Variants in PCSK5 observed in about 807,000 individuals in gnomAD.
PCSK5 encodes prohormone convertase 5.
PCSK5 carries 129 observed loss-of-function variants against 233.2 expected under a neutral mutation model. That is an observed-to-expected ratio of 0.55 (90% CI 0.48 to 0.64). PCSK5 has a LOEUF of 0.64. Among genes scored for constraint, PCSK5 ranks in the 30% least tolerant of loss-of-function variants. The pLI is 0.00. For synonymous variants in PCSK5, 825 were observed against 879.2 expected, an observed-to-expected ratio of 0.94 and a Z score of 1.09; for missense variants, 2,076 against 2,430.1, an observed-to-expected ratio of 0.85 and a Z score of 3.06.
At chr9:76,003,463 A>G (rs930619355) in intron 3 of PCSK5, among the ~76,000 whole-genome samples, 3 of 152,244 alleles carry the variant, frequency 2.0e-5, no homozygotes, top group African/African-American at 7.2e-5. Flanking sequence ...AAGTTGAAAG[A>G]GTAGTATAAT....
chr9:76,175,076 G>T lies in PCSK5; in HGVS notation c.1847G>T (p.Arg616Leu). The change falls in exon 14 of 38, where the codon CGC (arginine) becomes CTC (leucine). Residue 616 changes from arginine (R) to leucine (L), a missense_variant. By Grantham distance (102) the Arg-to-Leu change is moderately radical. Transcript: ENST00000674117. ...TNEFPKVERF[R>L]YSRVEDPTDD... Reference sequence around the variant, plus strand: ...GAATTTCCGAAAGTGGAACGGTTCCGCTATAGCCGAGTTGAAGACCCCACA... The same window carrying T: ...GAATTTCCGAAAGTGGAACGGTTCCTCTATAGCCGAGTTGAAGACCCCACA... The T allele has an allele frequency of 1.9e-6, 3 of 1,614,158 alleles. No homozygotes were observed. The highest frequency in any genetic ancestry group is 2.5e-6 in the Non-Finnish European group (3 of 1,180,008).
intron 3 of PCSK5, among the ~76,000 whole-genome samples, chr9:76,014,394 G>T (rs969724794): frequency 6.6e-6 from 1 of 152,180 alleles, no homozygotes; most frequent in African/African-American, 2.4e-5. Context: ...GTGTGAGAGG[G>T]TAATGTGTTA....
intron 8 of PCSK5, 60 bp from the exon 9 acceptor site, chr9:76,107,191 T>C: frequency 1.0e-6 from 1 of 979,402 alleles, no homozygotes; most frequent in Non-Finnish European, 1.6e-6. Context: ...TATATTTCTT[T>C]CTACTTGCAG....
rs185679369 is a variant in PCSK5, at chr9:76,320,384, C to G, written c.3885-1038C>G. The stretch of plus-strand genomic sequence containing the variant: ...GGCAGAGGTTGTGGTGAGCCAAGAT[C>G]GTGCCATGCACTCCAGCCTGGGTGA... On this transcript the variant is annotated intron_variant, in intron 30 of 37. Transcript: ENST00000674117. Among the ~76,000 whole-genome samples the G allele has an allele frequency of 6.4e-3, 905 of 140,460 alleles. 13 individuals are homozygous for G. Among genetic ancestry groups the G allele is most frequent in the African/African-American group, 0.022 (854 of 38,046 alleles). 92.1% of individuals were successfully genotyped at this position (140,460 alleles called of 152,430 possible).
At chr9:76,193,417 A>AAAAG in intron 20 of PCSK5, 1 of 1,190,890 alleles carries the variant, frequency 8.4e-7, no homozygotes, top group Non-Finnish European at 1.1e-6. Context: ...TAAAAAGAAA[A>AAAAG]AAGCCAAAAA....
At chr9:76,327,363 T>C (rs553231599) in intron 32 of PCSK5, among the ~76,000 whole-genome samples, 2 of 152,172 alleles carry the variant, frequency 1.3e-5, no homozygotes, top group Non-Finnish European at 2.9e-5. Context: ...CACCTTGGCC[T>C]CCCAAAGTGC....
intron 8 of PCSK5, among the ~76,000 whole-genome samples, chr9:76,099,644 A>AC (rs1831677280): frequency 6.6e-6 from 1 of 152,064 alleles, no homozygotes; most frequent in Admixed American, 6.6e-5. Flanking sequence ...GGTCCGGCTG[A>AC]CCCCTTTTCC....
chr9:76,180,127 G>A (rs1178423211), intron 15 of PCSK5, among the ~76,000 whole-genome samples: 13 of 141,924 alleles, frequency 9.2e-5, no homozygotes, highest in East Asian at 8.4e-4. Context: ...ATATACATAC[G>A]TACACACGTT....
intron 2 of PCSK5, among the ~76,000 whole-genome samples, chr9:75,969,848 C>T (rs893101769): frequency 3.3e-5 from 5 of 151,032 alleles, no homozygotes; most frequent in Admixed American, 6.6e-5. Flanking sequence ...TTCTCAAACA[C>T]GGGTTCCTTG....
intron 20 of PCSK5, among the ~76,000 whole-genome samples, chr9:76,214,096 A>G (rs1825429836): frequency 6.6e-6 from 1 of 152,136 alleles, no homozygotes; most frequent in African/African-American, 2.4e-5. Flanking sequence ...GACAAGACTT[A>G]GATTTGAACA....
At chr9:76,054,943 C>G (rs1219333155) in intron 5 of PCSK5, among the ~76,000 whole-genome samples, 1 of 152,082 alleles carries the variant, frequency 6.6e-6, no homozygotes, top group Non-Finnish European at 1.5e-5. Context: ...ATATCTAATG[C>G]TAATTATCAA....
chr9:76,157,546 G>A (rs1381842893), intron 11 of PCSK5, among the ~76,000 whole-genome samples: 1 of 151,914 alleles, frequency 6.6e-6, no homozygotes, highest in East Asian at 1.9e-4. Flanking sequence ...CGGTAAAAGA[G>A]ATTGCAGTTT....
chr9:76,007,771 C>T (rs899745374), intron 3 of PCSK5, among the ~76,000 whole-genome samples: 6 of 146,358 alleles, frequency 4.1e-5, no homozygotes, highest in Non-Finnish European at 8.9e-5. Flanking sequence ...GGACCACAGG[C>T]GCCTGTCACC....
intron 5 of PCSK5, among the ~76,000 whole-genome samples, chr9:76,060,548 C>G (rs996117908): frequency 6.6e-6 from 1 of 152,076 alleles, no homozygotes; most frequent in African/African-American, 2.4e-5. Flanking sequence ...CCAAGAAGTT[C>G]TGTGCTGTTC....
intron 20 of PCSK5, among the ~76,000 whole-genome samples, chr9:76,196,186 A>G (rs1045120790): frequency 6.6e-6 from 1 of 152,252 alleles, no homozygotes; most frequent in African/African-American, 2.4e-5. Context: ...CAGATTGTAC[A>G]GACGCTGGAC....
intron 31 of PCSK5, 75 bp downstream of exon 31, chr9:76,321,714 T>C: frequency 2.2e-6 from 2 of 904,586 alleles, no homozygotes; most frequent in Non-Finnish European, 3.5e-6. Flanking sequence ...TGAGGGTGGA[T>C]GGCAAAGAGC....
chr9:76,090,671 G>C (rs1831248985), intron 7 of PCSK5, among the ~76,000 whole-genome samples: 1 of 152,198 alleles, frequency 6.6e-6, no homozygotes, highest in East Asian at 1.9e-4. Flanking sequence ...TAAACCAGCG[G>C]TTCTCAACTT....
intron 5 of PCSK5, among the ~76,000 whole-genome samples, chr9:76,064,856 T>C (rs1406955667): frequency 6.6e-6 from 1 of 152,220 alleles, no homozygotes. Flanking sequence ...ATGTGATCTC[T>C]TTTTTATTTT....
intron 31 of PCSK5, 117 bp downstream of exon 31, chr9:76,321,756 A>G (rs1358787348): frequency 7.8e-6 from 5 of 640,756 alleles, no homozygotes; most frequent in Admixed American, 2.7e-5. Flanking sequence ...CATTCCTGAA[A>G]GGTATGTCTC....
Sources: allele counts gnomAD v4.1 joint callset (sites outside exome capture counted in the v4.1 genomes callset), GRCh38; gene constraint gnomAD v4.1.1; transcripts MANE v1.5; gene names NCBI Gene and HGNC (gene_info 2026-07-23, HGNC 2026-07-21).